KCP: variants seen among roughly 807,000 people sequenced by gnomAD.
KCP encodes the protein kielin cysteine rich BMP regulator.
In KCP, 194 loss-of-function variants were observed where a neutral mutation model predicts 212.7. The observed-to-expected ratio is 0.91, with a 90% CI of 0.81 to 1.03. The LOEUF (loss-of-function observed/expected upper bound fraction) is 1.03, where lower values mean the gene tolerates loss of function less well. Among genes scored for constraint, KCP ranks in the 50% least tolerant of loss-of-function variants. The probability of loss-of-function intolerance (pLI) is 0.00; values close to 1 mark genes in which losing one functional copy is unlikely to be tolerated. For synonymous variants in KCP, 833 were observed against 865.3 expected (o/e 0.96, Z 0.65); for missense variants, 2,080 against 2,162.5 (o/e 0.96, Z 0.76).
At chr7:128,902,901 T>C (rs770826407) in intron 7 of KCP, 42 bp from the exon 8 acceptor site, 1 of 1,447,364 alleles carries the variant, frequency 6.9e-7, no homozygotes, top group South Asian at 1.2e-5. Flanking sequence ...TGGTGGGAGC[T>C]GGCCTGGACC....
At chr7:128,890,256 C>T (rs1794006592) in intron 21 of KCP, 87 bp downstream of exon 21, 1 of 1,546,168 alleles carries the variant, frequency 6.5e-7, no homozygotes. Flanking sequence ...TATTTTAGAT[C>T]CACCCTAGGG....
chr7:128,907,322 G>A lies in KCP; in HGVS notation c.351C>T (p.Cys117=), dbSNP rs564710165. 4.1e-4 allele frequency: 628 copies of A among 1,541,358 alleles called. 5 individuals carry two copies. The South Asian group carries it at 4.3e-3, about 11-fold the overall frequency. ...ARWEPDACTA[C]VCQDGAAHCG... is the part of the protein sequence containing the mutation. ...AGTGAGCGGCCCCATCCTGGCAGAC[G>A]CAGGCTGTGCAGGCGTCAGGCTCCC... Residue 117 remains cysteine, a synonymous_variant, in exon 3 of 40, where the codon TGC becomes TGT. Transcript: ENST00000610776.
At position 128,891,213 on chromosome 7, in the gene KCP, C is replaced by G. The variant is rs756649430; in HGVS notation, c.1944G>C (p.Leu648=). The G allele has an allele frequency of 6.5e-7, 1 of 1,545,250 alleles. No individual in the cohort carries two copies. Among genetic ancestry groups the G allele is most frequent in the African/African-American group, 1.4e-5 (1 of 73,110 alleles). The part of the protein sequence containing the change: ...VPLPCPEPVL[L]PGECCPQCPA... ...GGCACTGCGGGCAGCACTCTCCCGG[C>G]AGCAGGACAGGCTCTGGACAGGGCA... Residue 648 remains leucine (L), a synonymous_variant, in exon 19 of 40, where the codon CTG becomes CTC. Coordinates refer to ENST00000610776, the MANE Select transcript of KCP (RefSeq NM_001366122.1).
In KCP at chr7:128,907,373, C is replaced by T. The variant is rs959099072; in HGVS notation, c.300G>A (p.Gly100=). ...AGCGTGCCCCCTCGGGCCAGGCACGCCCCAGCCCCCAGCACTGGGGAGATG... is the reference window on the plus strand; with the variant it reads ...AGCGTGCCCCCTCGGGCCAGGCACGTCCCAGCCCCCAGCACTGGGGAGATG... ...HPASPQCWGL[G]RAWPEGARWE... Residue 100 remains glycine (G), a synonymous_variant, in exon 3 of 40, where the codon GGG becomes GGA. Transcript: ENST00000610776. The T allele has an allele frequency of 6.5e-7, 1 of 1,540,716 alleles. No homozygotes were observed. The highest frequency in any genetic ancestry group is 1.4e-5 in the African/African-American group (1 of 72,834).
chr7:128,900,711 C>A lies in KCP; in HGVS notation c.831+2066G>T, dbSNP rs377550697. 4.6e-5 allele frequency among the ~76,000 whole-genome samples: 7 copies of A among 152,320 alleles called. No individual in the cohort carries two copies. In the East Asian group the frequency reaches 9.6e-4, roughly 21 times the overall value. On this transcript the variant is annotated intron_variant, in intron 8 of 39. Coordinates refer to ENST00000610776, the MANE Select transcript of KCP (RefSeq NM_001366122.1). ...AGAGTTATGAATGGCCCTCGCCATGCCGATGCTTTCTGATTAAGCACCTCT... is the reference window on the plus strand; with the variant it reads ...AGAGTTATGAATGGCCCTCGCCATGACGATGCTTTCTGATTAAGCACCTCT...
chr7:128,878,417 C>G, intron 38 of KCP, 141 bp downstream of exon 38: 1 of 933,364 alleles, frequency 1.1e-6, no homozygotes, highest in Non-Finnish European at 1.6e-6. Flanking sequence ...GCAAGAAGCC[C>G]CCACACCTCC....
chr7:128,886,793 C>T (rs1391882669), intron 24 of KCP, 56 bp from the exon 25 acceptor site: 1 of 1,518,744 alleles, frequency 6.6e-7, no homozygotes, highest in East Asian at 2.5e-5. Context: ...CCTGCTCGGC[C>T]CAGCCTTAGG....
intron 34 of KCP, 50 bp downstream of exon 34, chr7:128,880,336 C>A: frequency 1.4e-6 from 2 of 1,473,048 alleles, no homozygotes; most frequent in South Asian, 2.8e-5. Flanking sequence ...ATGGCGGTAC[C>A]ATGTGCCCCC....
At position 128,879,796 on chromosome 7, in the gene KCP, G is replaced by A. The variant is rs1585192899; in HGVS notation, c.3966C>T (p.Ser1322=). ...VHVTNDDRGR[S]GVAWTQEVAV... is the part of the protein sequence containing the mutation. Reference sequence around the variant, plus strand: ...CCACCTCCTGGGTCCAGGCCACACCGCTCCGGCCCCGGTCATCATTGGTCA... The same window carrying A: ...CCACCTCCTGGGTCCAGGCCACACCACTCCGGCCCCGGTCATCATTGGTCA... The change falls in exon 36 of 40, where the codon AGC becomes AGT. Residue 1322 remains serine, a synonymous_variant. Coordinates refer to ENST00000610776, the MANE Select transcript of KCP (RefSeq NM_001366122.1). 9.7e-6 allele frequency: 15 copies of A among 1,550,750 alleles called. No homozygotes were observed. The highest frequency in any genetic ancestry group is 1.1e-5 in the Non-Finnish European group (13 of 1,146,970).
intron 29 of KCP, among the ~76,000 whole-genome samples, chr7:128,882,544 C>T (rs1056280343): frequency 1.3e-5 from 2 of 152,260 alleles, no homozygotes; most frequent in Middle Eastern, 3.4e-3. Context: ...TTATTAAGAG[C>T]ACCAAGTACA....
At chr7:128,901,028 A>G (rs1001844812) in intron 8 of KCP, among the ~76,000 whole-genome samples, 3 of 152,218 alleles carry the variant, frequency 2.0e-5, no homozygotes, top group African/African-American at 7.2e-5. Flanking sequence ...GATATAGGTC[A>G]TAAAGACCTT....
At chr7:128,892,230 G>C (rs1419718270) in intron 16 of KCP, among the ~76,000 whole-genome samples, 2 of 151,706 alleles carry the variant, frequency 1.3e-5, no homozygotes, top group African/African-American at 4.8e-5. Context: ...CTGGGGGGTA[G>C]GGGGGTGGGG....
rs973556016 is a variant in KCP, at chr7:128,881,069, G to A, written c.3441C>T (p.Ala1147=). Residue 1147 remains alanine (A), a synonymous_variant, in exon 32 of 40, where the codon GCC becomes GCT. Coordinates refer to ENST00000610776, the MANE Select transcript of KCP (RefSeq NM_001366122.1). ...CTCCATCTGCCACTCTCCGGCCCTCGGCCTCCACCACACATTCTGAGGGGG... is the reference window on the plus strand; with the variant it reads ...CTCCATCTGCCACTCTCCGGCCCTCAGCCTCCACCACACATTCTGAGGGGG... The part of the protein sequence containing the change: ...CPVCRECVVE[A]EGRRVADGES... The A allele has an allele frequency of 2.0e-5, 8 of 398,764 alleles. No individual in the cohort carries two copies. The highest frequency in any genetic ancestry group is 8.2e-5 in the African/African-American group (4 of 48,630). The allele number at this position is 398,764 out of a possible 1,614,324, so 24.7% of individuals were successfully genotyped here. A position where few individuals can be genotyped will look rare whatever the true frequency, so the allele number is the denominator to read the frequency against.
intron 8 of KCP, among the ~76,000 whole-genome samples, chr7:128,899,108 T>G (rs1794691439): frequency 6.6e-6 from 1 of 152,222 alleles, no homozygotes; most frequent in South Asian, 2.1e-4. Context: ...TATGAAATGG[T>G]ATTTGGTTTT....
intron 22 of KCP, among the ~76,000 whole-genome samples, chr7:128,888,633 G>GAC (rs1427936878): frequency 7.3e-6 from 1 of 136,368 alleles, no homozygotes; most frequent in Non-Finnish European, 1.6e-5. Context: ...CACACATACA[G>GAC]ACACACACAC....
Position 128,893,794 on chromosome 7 carries a change from G to T in KCP, c.1099+12C>A. Reference sequence around the variant, plus strand: ...GCCTGCCCCTCCCGCAGAGACCCCGGCCCCCACTCACCATCGCAGACAGGG... The same window carrying T: ...GCCTGCCCCTCCCGCAGAGACCCCGTCCCCCACTCACCATCGCAGACAGGG... On this transcript the variant is annotated intron_variant, in intron 11 of 39. Transcript: ENST00000610776. 1 of 1,548,862 alleles carries T rather than the reference G, an allele frequency of 6.5e-7. No individual in the cohort carries two copies. Among genetic ancestry groups the T allele is most frequent in the Non-Finnish European group, 8.7e-7 (1 of 1,146,310 alleles).
intron 4 of KCP, 78 bp downstream of exon 4, chr7:128,907,023 G>C: frequency 7.3e-7 from 1 of 1,372,138 alleles, no homozygotes; most frequent in Non-Finnish European, 1.0e-6. Context: ...GCGACATCTT[G>C]AGTGCCACGC....
chr7:128,880,259 C>T (rs1365732509), intron 34 of KCP, 127 bp downstream of exon 34: 4 of 1,319,498 alleles, frequency 3.0e-6, no homozygotes, highest in Admixed American at 5.3e-5. Flanking sequence ...CTGGGAACAG[C>T]ACTGTCCCCA....
chr7:128,885,388 T>A, intron 26 of KCP, 118 bp from the exon 27 acceptor site: 3 of 1,071,482 alleles, frequency 2.8e-6, no homozygotes, highest in Non-Finnish European at 2.7e-6. Context: ...TGCAGGGATA[T>A]GGCGGGAAGG....
Sources: gnomAD v4.1 joint callset for allele counts (sites outside exome capture counted in the v4.1 genomes callset) on GRCh38, gnomAD v4.1.1 for gene constraint, MANE v1.5 for transcripts, NCBI Gene and HGNC (gene_info 2026-07-23, HGNC 2026-07-21) for gene names.